Variants in ITGA1 observed in about 807,000 individuals in gnomAD.
ITGA1 encodes integrin subunit alpha 1.
A neutral mutation model predicts 145.9 loss-of-function variants in ITGA1; 85 were observed. The ratio of observed to expected loss-of-function variants is 0.58; its 90% CI spans 0.49 to 0.70. The LOEUF (loss-of-function observed/expected upper bound fraction) is 0.70, where lower values mean the gene tolerates loss of function less well. Among genes scored for constraint, ITGA1 ranks in the 30% least tolerant of loss-of-function variants. ITGA1 has a pLI of 0.00. For synonymous variants in ITGA1, 520 were observed against 495.3 expected, an observed-to-expected ratio of 1.05 and a Z score of -0.66; for missense variants, 1,351 against 1,418.7, an observed-to-expected ratio of 0.95 and a Z score of 0.77.
chr5:52,891,888 CA>C (rs1426588497), intron 8 of ITGA1, among the ~76,000 whole-genome samples: 1 of 151,892 alleles, frequency 6.6e-6, no homozygotes, highest in African/African-American at 2.4e-5. Context: ...TTATCTTGAA[CA>C]TTTTTATATT....
chr5:52,818,852 C>T (rs1432958043), intron 1 of ITGA1, among the ~76,000 whole-genome samples: 2 of 152,048 alleles, frequency 1.3e-5, no homozygotes, highest in African/African-American at 2.4e-5. Flanking sequence ...GGGATCAGAA[C>T]CTTTATGGAA....
intron 1 of ITGA1, chr5:52,801,519 T>A (rs1157219126): frequency 6.2e-7 from 1 of 1,614,112 alleles, no homozygotes; most frequent in Non-Finnish European, 8.5e-7. Flanking sequence ...AAGCCTTGGA[T>A]GACTTCTATA....
intron 6 of ITGA1, among the ~76,000 whole-genome samples, chr5:52,871,783 T>A (rs891536241): frequency 9.2e-5 from 14 of 152,200 alleles, no homozygotes; most frequent in Non-Finnish European, 1.8e-4. Flanking sequence ...TTAAGACTTT[T>A]GCAAGCATAG....
chr5:52,889,448 A>G (rs1467142482), intron 8 of ITGA1, among the ~76,000 whole-genome samples: 1 of 152,222 alleles, frequency 6.6e-6, no homozygotes, highest in Non-Finnish European at 1.5e-5. Context: ...CGTAGATTAT[A>G]AACAGCAGCA....
At chr5:52,872,973 T>C (rs541258914) in intron 6 of ITGA1, among the ~76,000 whole-genome samples, 8 of 152,326 alleles carry the variant, frequency 5.3e-5, no homozygotes, top group Admixed American at 6.5e-5. Flanking sequence ...GGTCTGTCTC[T>C]TCTAGTAGAC....
At chr5:52,823,029 A>G (rs1561218754) in intron 1 of ITGA1, among the ~76,000 whole-genome samples, 2 of 152,078 alleles carry the variant, frequency 1.3e-5, no homozygotes. Flanking sequence ...TTTGTATTGC[A>G]TGGTCAAAAG....
chr5:52,827,089 C>CTTTTTTT (rs201041439), intron 1 of ITGA1, among the ~76,000 whole-genome samples: 1 of 134,848 alleles, frequency 7.4e-6, no homozygotes. Context: ...CCATTAAGAA[C>CTTTTTTT]TTTTTTTTTT....
At chr5:52,798,542 AGAT>A (rs1748391011) in intron 1 of ITGA1, among the ~76,000 whole-genome samples, 1 of 152,200 alleles carries the variant, frequency 6.6e-6, no homozygotes. Context: ...CTTTCTGGGA[AGAT>A]GATTTTGAGG....
At chr5:52,839,691 G>A (rs530484815) in intron 1 of ITGA1, among the ~76,000 whole-genome samples, 62 of 152,234 alleles carry the variant, frequency 4.1e-4, no homozygotes, top group African/African-American at 1.4e-3. Flanking sequence ...CAATCCTATG[G>A]TTATTTTTGT....
chr5:52,800,745 G>A, intron 1 of ITGA1: 3 of 1,614,228 alleles, frequency 1.9e-6, no homozygotes, highest in East Asian at 2.2e-5. Flanking sequence ...AGAAGCAGTG[G>A]GATAGTGTGG....
At chr5:52,920,911 T>A (rs189950349) in intron 17 of ITGA1, among the ~76,000 whole-genome samples, 2,085 of 152,294 alleles carry the variant, frequency 0.014, 20 homozygotes, top group Non-Finnish European at 0.024. Context: ...TAACTACATA[T>A]CTCGCCGTTT....
intron 1 of ITGA1, among the ~76,000 whole-genome samples, chr5:52,848,317 G>A (rs1250438954): frequency 6.6e-6 from 1 of 152,160 alleles, no homozygotes; most frequent in Non-Finnish European, 1.5e-5. Context: ...GGTGATATGT[G>A]CATTCTCTGT....
intron 1 of ITGA1, among the ~76,000 whole-genome samples, chr5:52,799,150 A>G (rs1162392328): frequency 6.6e-6 from 1 of 152,156 alleles, no homozygotes; most frequent in Non-Finnish European, 1.5e-5. Flanking sequence ...CCTCCACTCC[A>G]TCTAAGCTCT....
At chr5:52,835,322 C>T (rs1690597606) in intron 1 of ITGA1, among the ~76,000 whole-genome samples, 1 of 152,072 alleles carries the variant, frequency 6.6e-6, no homozygotes, top group Non-Finnish European at 1.5e-5. Flanking sequence ...AACCAGTTAC[C>T]TTTAATATAA....
intron 27 of ITGA1, among the ~76,000 whole-genome samples, chr5:52,946,407 T>C (rs1014250518): frequency 2.0e-5 from 3 of 152,202 alleles, no homozygotes; most frequent in African/African-American, 7.2e-5. Context: ...GTCATAATGG[T>C]CTGATGCTGT....
At chr5:52,920,687 A>T (rs75333309) in intron 17 of ITGA1, among the ~76,000 whole-genome samples, 190 of 152,362 alleles carry the variant, frequency 1.2e-3, no homozygotes, top group African/African-American at 4.4e-3. Context: ...TGTCTGCATT[A>T]TCAGACATCC....
chr5:52,806,606 A>G (rs1205967800), intron 1 of ITGA1, among the ~76,000 whole-genome samples: 2 of 152,108 alleles, frequency 1.3e-5, no homozygotes, highest in African/African-American at 4.8e-5. Context: ...CTTTTTAGGA[A>G]GTGTGTGATA....
intron 1 of ITGA1, among the ~76,000 whole-genome samples, chr5:52,790,601 T>C (rs1748219028): frequency 6.6e-6 from 1 of 152,220 alleles, no homozygotes; most frequent in Admixed American, 6.5e-5. Context: ...GGTAGAATCT[T>C]CAGATCTTCC....
intron 11 of ITGA1, 101 bp from the exon 12 acceptor site, chr5:52,905,662 C>A: frequency 1.0e-6 from 1 of 962,760 alleles, no homozygotes; most frequent in South Asian, 2.4e-5. Flanking sequence ...AAAATATAAC[C>A]ATATAAAAAT....
Sources: allele counts gnomAD v4.1 joint callset (sites outside exome capture counted in the v4.1 genomes callset), GRCh38; gene constraint gnomAD v4.1.1; transcripts MANE v1.5; gene names NCBI Gene and HGNC (gene_info 2026-07-23, HGNC 2026-07-21).